The following ROBO2 variants were observed in gnomAD, a reference collection of about 807,000 sequenced individuals.
ROBO2 encodes roundabout guidance receptor 2.
In ROBO2, 53 loss-of-function variants were observed where a neutral mutation model predicts 160.8. The observed-to-expected ratio is 0.33, with a 90% CI of 0.26 to 0.41. ROBO2 has a LOEUF of 0.41. Among genes scored for constraint, ROBO2 ranks in the 10% least tolerant of loss-of-function variants. The pLI, the probability that ROBO2 is intolerant of heterozygous loss-of-function variation, is 1.00. For missense variants in ROBO2, 1,577 were observed against 1,722.4 expected (o/e 0.92, Z 1.49); for synonymous variants, 664 against 611.7 (o/e 1.09, Z -1.26).
At position 77,240,349 on chromosome 3, in the gene ROBO2, C is replaced by G. The variant is rs978760030; in HGVS notation, c.388+142009C>G. On this transcript the variant is annotated intron_variant, in intron 2 of 25. Coordinates refer to ENST00000461745, the Ensembl canonical transcript of ROBO2. The stretch of plus-strand genomic sequence containing the variant: ...GCCCAGGTGCTAAGCCCCTCACTGC[C>G]CGGAGCCGTCAGTGCCAGTCGCCCG... Among the ~76,000 whole-genome samples, 6 of 152,198 alleles carry G rather than the reference C, an allele frequency of 3.9e-5. 1 individual carries two copies. The highest frequency in any genetic ancestry group is 7.2e-5 in the African/African-American group (3 of 41,466).
chr3:76,393,474 G>T (rs1325068342), intron 2 of ROBO2, among the ~76,000 whole-genome samples: 2 of 152,112 alleles, frequency 1.3e-5, no homozygotes, highest in Non-Finnish European at 1.5e-5. Context: ...AGCATTGTAA[G>T]GAAATTGATA....
At chr3:76,087,105 CAAT>C (rs1221303197) in intron 2 of ROBO2, among the ~76,000 whole-genome samples, 1 of 151,626 alleles carries the variant, frequency 6.6e-6, no homozygotes, top group Non-Finnish European at 1.5e-5. Flanking sequence ...GGATTTGAAG[CAAT>C]AATAACAGAA....
chr3:76,100,632 A>G (rs2069645319), intron 2 of ROBO2, among the ~76,000 whole-genome samples: 1 of 152,230 alleles, frequency 6.6e-6, no homozygotes, highest in African/African-American at 2.4e-5. Context: ...AAGGAAAAAG[A>G]TGATCCTGGC....
chr3:77,115,424 G>T lies in ROBO2; in HGVS notation c.388+17084G>T, dbSNP rs186183388. Reference sequence around the variant, plus strand: ...CATCTTCAAAGTTTTCATATAATTGGCATAGTGCTAAATATTTTATAACAC... The same window carrying T: ...CATCTTCAAAGTTTTCATATAATTGTCATAGTGCTAAATATTTTATAACAC... On this transcript the variant is annotated intron_variant, in intron 2 of 25. Coordinates refer to ENST00000461745, the Ensembl canonical transcript of ROBO2. 8.0e-4 allele frequency among the ~76,000 whole-genome samples: 122 copies of T among 152,132 alleles called. 1 individual carries two copies. Among genetic ancestry groups the T allele is most frequent in the African/African-American group, 2.7e-3 (113 of 41,522 alleles).
At chr3:76,298,182 A>T (rs753913789) in intron 2 of ROBO2, among the ~76,000 whole-genome samples, 5 of 152,194 alleles carry the variant, frequency 3.3e-5, no homozygotes, top group Non-Finnish European at 7.3e-5. Context: ...AGCAAAATGT[A>T]GTGACTATTC....
chr3:76,930,781 C>G (rs1431068985), intron 2 of ROBO2, among the ~76,000 whole-genome samples: 2 of 152,212 alleles, frequency 1.3e-5, no homozygotes, highest in East Asian at 3.9e-4. Flanking sequence ...ATTCACCTTT[C>G]TTTCACCTTT....
chr3:75,915,675 C>A (rs1404273777), intron 1 of ROBO2, among the ~76,000 whole-genome samples: 2 of 152,080 alleles, frequency 1.3e-5, no homozygotes, highest in African/African-American at 4.8e-5. Flanking sequence ...CTAGAGGACT[C>A]ATGTTGAGGT....
chr3:76,755,366 AC>A (rs2060909607), intron 2 of ROBO2, among the ~76,000 whole-genome samples: 1 of 151,838 alleles, frequency 6.6e-6, no homozygotes, highest in African/African-American at 2.4e-5. Flanking sequence ...AGAGACATCT[AC>A]CCCAGAGTAA....
intron 2 of ROBO2, among the ~76,000 whole-genome samples, chr3:76,961,045 G>A (rs753766306): frequency 3.9e-5 from 6 of 152,016 alleles, no homozygotes; most frequent in Non-Finnish European, 2.9e-5. Context: ...GTTAATAAAT[G>A]TGGGAACACT....
chr3:77,381,456 T>A lies in ROBO2; in HGVS notation c.389-95958T>A, dbSNP rs532078226. On this transcript the variant is annotated intron_variant, in intron 2 of 25. Transcript: ENST00000461745. ...TCCAGTCTCTTGAGCCTAGCTTAGA[T>A]CTTCAGAGGCACAATGCAAGACGGT... 5.8e-4 allele frequency among the ~76,000 whole-genome samples: 89 copies of A among 152,274 alleles called. No individual in the cohort carries two copies. In the Middle Eastern group the frequency reaches 0.014, roughly 23 times the overall value.
intron 2 of ROBO2, among the ~76,000 whole-genome samples, chr3:76,984,556 C>A (rs143939995): frequency 6.6e-6 from 1 of 152,060 alleles, no homozygotes; most frequent in Admixed American, 6.5e-5. Context: ...AAGCAGTTAC[C>A]GAAATCCAGA....
chr3:77,513,102 A>C (rs1415341912), intron 5 of ROBO2, among the ~76,000 whole-genome samples: 2 of 151,936 alleles, frequency 1.3e-5, no homozygotes, highest in African/African-American at 4.8e-5. Context: ...GAGTCCTTAC[A>C]TAATTCAAAC....
chr3:76,069,090 T>G (rs909404788), intron 2 of ROBO2, among the ~76,000 whole-genome samples: 1 of 152,202 alleles, frequency 6.6e-6, no homozygotes, highest in East Asian at 1.9e-4. Flanking sequence ...CCTATGCCTA[T>G]ACTGCCAATT....
intron 2 of ROBO2, among the ~76,000 whole-genome samples, chr3:76,755,808 T>C (rs1165649507): frequency 1.3e-5 from 2 of 151,834 alleles, no homozygotes; most frequent in African/African-American, 2.4e-5. Context: ...GTTTAGGAAA[T>C]CAGTTTTTCC....
intron 2 of ROBO2, among the ~76,000 whole-genome samples, chr3:76,120,901 T>C (rs1328800316): frequency 6.6e-6 from 1 of 152,166 alleles, no homozygotes; most frequent in Non-Finnish European, 1.5e-5. Flanking sequence ...GCAATATAAA[T>C]ACTTACTGTC....
intron 2 of ROBO2, among the ~76,000 whole-genome samples, chr3:77,345,389 C>T (rs4449296): frequency 0.43 from 64,813 of 151,848 alleles, 14,837 homozygotes; most frequent in East Asian, 0.72. Flanking sequence ...AGATGTCAGC[C>T]CCATTCAAGG....
intron 18 of ROBO2, 116 bp from the exon 20 acceptor site, chr3:77,596,507 A>G (rs1056209670): frequency 5.3e-5 from 68 of 1,280,614 alleles, no homozygotes; most frequent in Non-Finnish European, 7.0e-5. Context: ...GTCTACTTAT[A>G]TTAATTTGAA....
intron 2 of ROBO2, among the ~76,000 whole-genome samples, chr3:77,010,388 A>C (rs140624024): frequency 6.6e-6 from 1 of 152,274 alleles, no homozygotes; most frequent in East Asian, 1.9e-4. Context: ...ACACAAAACT[A>C]AACTAAAATT....
At chr3:77,029,626 A>AT (rs2063187149) in intron 2 of ROBO2, among the ~76,000 whole-genome samples, 2 of 152,200 alleles carry the variant, frequency 1.3e-5, no homozygotes, top group South Asian at 4.1e-4. Context: ...TTCATTTAAC[A>AT]TTTTCACATA....
Sources: allele counts gnomAD v4.1 joint callset (sites outside exome capture counted in the v4.1 genomes callset), GRCh38; gene constraint gnomAD v4.1.1; transcripts MANE v1.5; gene names NCBI Gene and HGNC (gene_info 2026-07-23, HGNC 2026-07-21).